Variants in RAB6B observed in about 807,000 individuals in gnomAD.
RAB6B encodes RAB6B, member RAS oncogene family.
Under a neutral mutation model 31.2 loss-of-function variants are expected in RAB6B, and 7 were observed. That is an observed-to-expected ratio of 0.22 (90% CI 0.13 to 0.42). The LOEUF (loss-of-function observed/expected upper bound fraction) is 0.42, where lower values mean the gene tolerates loss of function less well. Ranked by LOEUF, RAB6B falls within the 10% of genes least tolerant of loss-of-function variation. RAB6B has a pLI of 1.00. For synonymous variants in RAB6B, 105 were observed against 104.9 expected, an observed-to-expected ratio of 1.00 and a Z score of -0.01; for missense variants, 149 against 280.6, an observed-to-expected ratio of 0.53 and a Z score of 3.35.
chr3:133,848,342 C>T lies in RAB6B; in HGVS notation c.130-6679G>A, dbSNP rs148372261. On this transcript the variant is annotated intron_variant, in intron 2 of 7. Transcript: ENST00000285208. Reference sequence around the variant, plus strand: ...CACCCAGCCCCCTTTTTCTCCATCCCCAACACCACTGCCCTAGTTTAGACA... The same window carrying T: ...CACCCAGCCCCCTTTTTCTCCATCCTCAACACCACTGCCCTAGTTTAGACA... Among the ~76,000 whole-genome samples the T allele has an allele frequency of 5.4e-3, 828 of 152,298 alleles. 13 individuals are homozygous for T. Among genetic ancestry groups the T allele is most frequent in the African/African-American group, 0.019 (791 of 41,564 alleles).
At position 133,837,990 on chromosome 3, in the gene RAB6B, T is replaced by C. The variant is rs72976342; in HGVS notation, c.495+176A>G. Among the ~76,000 whole-genome samples the C allele has an allele frequency of 4.1e-3, 622 of 152,292 alleles. 5 individuals carry two copies. Among genetic ancestry groups the C allele is most frequent in the African/African-American group, 0.014 (596 of 41,558 alleles). ...GGAGTGGTCCCTCCCTCTTTTGGGC[T>C]TTACCAGCTCCGGAAATTAGCTCTC... On this transcript the variant is annotated intron_variant, in intron 6 of 7. Coordinates refer to ENST00000285208, the MANE Select transcript of RAB6B (RefSeq NM_016577.4).
chr3:133,895,138 C>A (rs1184599755), intron 1 of RAB6B, among the ~76,000 whole-genome samples: 1 of 152,158 alleles, frequency 6.6e-6, no homozygotes, highest in East Asian at 1.9e-4. Flanking sequence ...CCCCCTGCAG[C>A]GCCGCACCTG....
At chr3:133,865,142 T>C (rs562210768) in intron 1 of RAB6B, among the ~76,000 whole-genome samples, 2 of 152,334 alleles carry the variant, frequency 1.3e-5, no homozygotes, top group South Asian at 4.1e-4. Context: ...GAGGCAAATG[T>C]CATTTCCCCA....
chr3:133,847,088 A>G (rs1472602871), intron 2 of RAB6B, among the ~76,000 whole-genome samples: 1 of 152,240 alleles, frequency 6.6e-6, no homozygotes, highest in African/African-American at 2.4e-5. Flanking sequence ...TATCACAGTA[A>G]CAATGACATC....
intron 1 of RAB6B, among the ~76,000 whole-genome samples, chr3:133,876,296 A>G (rs1294529267): frequency 6.6e-6 from 1 of 152,158 alleles, no homozygotes; most frequent in Non-Finnish European, 1.5e-5. Context: ...CTGCCAGAAC[A>G]CAGCATAGGA....
At chr3:133,858,878 C>G (rs1008706194) in intron 2 of RAB6B, among the ~76,000 whole-genome samples, 5 of 152,156 alleles carry the variant, frequency 3.3e-5, no homozygotes, top group Non-Finnish European at 5.9e-5. Context: ...ATTTTTTTAA[C>G]CTGGAAATTA....
chr3:133,893,278 T>C (rs923930424), intron 1 of RAB6B, among the ~76,000 whole-genome samples: 2 of 152,180 alleles, frequency 1.3e-5, no homozygotes, highest in East Asian at 1.9e-4. Flanking sequence ...GTGAAAAATA[T>C]TGGACTGGAA....
chr3:133,864,015 C>T (rs1936198551), intron 2 of RAB6B, among the ~76,000 whole-genome samples: 1 of 152,126 alleles, frequency 6.6e-6, no homozygotes, highest in South Asian at 2.1e-4. Context: ...ACTACGCCTC[C>T]AGGGCCAGGA....
rs1935545582 is a variant in RAB6B, at chr3:133,825,454, G to C, written c.*3334C>G. The C allele has an allele frequency of 6.6e-6, 1 of 152,206 alleles. No individual in the cohort carries two copies. Among genetic ancestry groups the C allele is most frequent in the African/African-American group, 2.4e-5 (1 of 41,454 alleles). 9.4% of individuals were successfully genotyped at this position (152,206 alleles called of 1,614,324 possible). A position where few individuals can be genotyped will look rare whatever the true frequency, so the allele number is the denominator to read the frequency against. On this transcript the variant is annotated 3_prime_UTR_variant, in exon 8 of 8. Transcript: ENST00000285208. ...CCTGGGAACATGACTGAATGTTTAAGGATGACAAGAAGAGAGCAGCGATAG... is the reference window on the plus strand; with the variant it reads ...CCTGGGAACATGACTGAATGTTTAACGATGACAAGAAGAGAGCAGCGATAG...
chr3:133,834,695 TC>T, intron 6 of RAB6B, 54 bp from the exon 7 acceptor site: 1 of 1,512,538 alleles, frequency 6.6e-7, no homozygotes, highest in Non-Finnish European at 9.2e-7. Context: ...TCCCCTCTGC[TC>T]CTCACTGCAC....
chr3:133,843,086 G>A (rs1419510139), intron 2 of RAB6B, among the ~76,000 whole-genome samples: 1 of 152,246 alleles, frequency 6.6e-6, no homozygotes, highest in East Asian at 1.9e-4. Flanking sequence ...AAAGGACTGA[G>A]ACTGGCTTGC....
chr3:133,880,778 A>G (rs1936456842), intron 1 of RAB6B, among the ~76,000 whole-genome samples: 1 of 152,180 alleles, frequency 6.6e-6, no homozygotes, highest in Non-Finnish European at 1.5e-5. Context: ...TGGTGAGGGG[A>G]GCACAAGGGG....
chr3:133,834,587 T>C lies in RAB6B; in HGVS notation c.550A>G (p.Ser184Gly). 1 of 1,613,618 alleles carries C rather than the reference T, an allele frequency of 6.2e-7. No individual in the cohort carries two copies. ...LPGMENVQEK[S>G]KEGMIDIKLD... ...AGGAAAAGGATACTCCCTTCTTTGC[T>C]TTTCTCCTGGACATTCTCCATTCCG... The change falls in exon 7 of 8, where the codon AGC becomes GGC. Residue 184 changes from serine (S) to glycine (G), a missense_variant. By Grantham distance (56) the Ser-to-Gly change is moderately conservative (BLOSUM62 0). This residue lies in a region of RAB6B where 74 missense variants were observed against 100.5 expected (regional missense o/e 0.74). Coordinates refer to ENST00000285208, the MANE Select transcript of RAB6B (RefSeq NM_016577.4).
At chr3:133,857,879 T>G (rs528617149) in intron 2 of RAB6B, among the ~76,000 whole-genome samples, 13 of 152,246 alleles carry the variant, frequency 8.5e-5, no homozygotes, top group African/African-American at 2.9e-4. Flanking sequence ...CCCTTCCACT[T>G]CCTGTGCCAT....
chr3:133,890,294 A>T (rs979054697), intron 1 of RAB6B, among the ~76,000 whole-genome samples: 1 of 152,048 alleles, frequency 6.6e-6, no homozygotes, highest in African/African-American at 2.4e-5. Flanking sequence ...ATGAATTGTG[A>T]GTTGCGCATG....
intron 1 of RAB6B, among the ~76,000 whole-genome samples, chr3:133,890,588 CT>C (rs1936623733): frequency 6.6e-6 from 1 of 152,098 alleles, no homozygotes; most frequent in Non-Finnish European, 1.5e-5. Flanking sequence ...AAAAATCTGG[CT>C]TAAAAAAGCA....
At chr3:133,834,685 TCCCCTCTG>T (rs1935707048) in intron 6 of RAB6B, 44 bp from the exon 7 acceptor site, 11 of 1,550,988 alleles carry the variant, frequency 7.1e-6, no homozygotes, top group African/African-American at 1.4e-5. Context: ...ACCCTGGCCC[TCCCCTCTG>T]CTCCTCACTG....
At chr3:133,852,530 G>A (rs915661543) in intron 2 of RAB6B, among the ~76,000 whole-genome samples, 3 of 150,972 alleles carry the variant, frequency 2.0e-5, no homozygotes, top group African/African-American at 7.3e-5. Flanking sequence ...GAGTGCAGTG[G>A]CATGAACACA....
At chr3:133,866,546 A>G (rs373515253) in intron 1 of RAB6B, among the ~76,000 whole-genome samples, 10 of 152,362 alleles carry the variant, frequency 6.6e-5, no homozygotes, top group African/African-American at 2.4e-4. Context: ...GTGAGCAGAA[A>G]TGTGCCCAAG....
Sources: allele counts gnomAD v4.1 joint callset (sites outside exome capture counted in the v4.1 genomes callset), GRCh38; gene constraint gnomAD v4.1.1; regional missense constraint gnomAD v4.1.1; transcripts MANE v1.5; gene names NCBI Gene and HGNC (gene_info 2026-07-23, HGNC 2026-07-21).